ANK2: variants seen among roughly 807,000 people sequenced by gnomAD.
The protein encoded by ANK2 is ankyrin-2.
ANK2 carries 83 observed loss-of-function variants against 360.5 expected under a neutral mutation model. That is an observed-to-expected ratio of 0.23 (90% CI 0.19 to 0.28). ANK2 has a LOEUF of 0.28. ANK2 is among the 10% of genes least tolerant of loss of function. The pLI is 1.00. For missense variants in ANK2, 4,201 were observed against 4,795.7 expected, an observed-to-expected ratio of 0.88 and a Z score of 3.66; for synonymous variants, 1,740 against 1,759.5, an observed-to-expected ratio of 0.99 and a Z score of 0.28.
chr4:113,333,134 G>C lies in ANK2; in HGVS notation c.3305G>C (p.Gly1102Ala), dbSNP rs2153942818. Residue 1102 changes from glycine (G) to alanine (A), a missense_variant, in exon 29 of 46, where the codon GGG becomes GCG. This residue lies in a region of ANK2 where 1,268 missense variants were observed against 1,650.8 expected (regional missense o/e 0.77). Transcript: ENST00000357077. ...CTGGTGGTCCTGCGCAGTGAGAATGGGGACAGCTGGAAAGAGCATTTCTGT... is the reference window on the plus strand; with the variant it reads ...CTGGTGGTCCTGCGCAGTGAGAATGCGGACAGCTGGAAAGAGCATTTCTGT... ...RELVVLRSENGDSWKEHFCDY... is the reference protein window; with the variant it reads ...RELVVLRSENADSWKEHFCDY... The C allele has an allele frequency of 6.2e-7, 1 of 1,614,200 alleles. No individual in the cohort carries two copies. Among genetic ancestry groups the C allele is most frequent in the Non-Finnish European group, 8.5e-7 (1 of 1,180,024 alleles).
At chr4:113,126,747 C>A (rs1336190881) in intron 1 of ANK2, among the ~76,000 whole-genome samples, 1 of 151,988 alleles carries the variant, frequency 6.6e-6, no homozygotes, top group East Asian at 1.9e-4. Flanking sequence ...ATATAAGGGC[C>A]CTTGTATATA....
chr4:113,279,705 TTA>T (rs1037266006), intron 17 of ANK2, among the ~76,000 whole-genome samples: 1 of 148,070 alleles, frequency 6.8e-6, no homozygotes, highest in African/African-American at 2.5e-5. Context: ...TATAAATATA[TTA>T]TATATATCAT....
At chr4:113,339,194 C>A (rs747338081) in intron 31 of ANK2, 32 bp from the exon 32 acceptor site, 2 of 1,554,046 alleles carry the variant, frequency 1.3e-6, no homozygotes, top group Non-Finnish European at 1.8e-6. Context: ...TGGAGTTTTG[C>A]CTGATTTTTT....
chr4:112,820,520 C>T (rs1216963971), intron 1 of ANK2, among the ~76,000 whole-genome samples: 2 of 152,190 alleles, frequency 1.3e-5, no homozygotes, highest in Non-Finnish European at 2.9e-5. Flanking sequence ...ATTTAAAATG[C>T]TGTGTAATTA....
chr4:112,850,499 C>T (rs1298699112), intron 1 of ANK2, among the ~76,000 whole-genome samples: 2 of 19,076 alleles, frequency 1.0e-4, no homozygotes, highest in African/African-American at 4.1e-4. Context: ...ATTTCCTGTG[C>T]TAGTCTTTTT....
intron 14 of ANK2, among the ~76,000 whole-genome samples, chr4:113,265,527 G>C (rs29411): frequency 0.028 from 4,298 of 152,104 alleles, 99 homozygotes; most frequent in East Asian, 0.067. Context: ...TAGACATTCT[G>C]TATTTCCACA....
rs1563056547 is a variant in ANK2 at position 113,233,104 on chromosome 4, C to CTTTTT, written c.483+846_483+847insTTTTT. 2.7e-4 allele frequency among the ~76,000 whole-genome samples: 8 copies of CTTTTT among 29,296 alleles called. 4 individuals carry two copies. The highest frequency in any genetic ancestry group is 2.8e-4 in the African/African-American group (2 of 7,106). The allele number at this position is 29,296 out of a possible 152,430, so 19.2% of individuals were successfully genotyped here. A position where few individuals can be genotyped will look rare whatever the true frequency, so the allele number is the denominator to read the frequency against. On this transcript the variant is annotated intron_variant, in intron 5 of 45. Transcript: ENST00000357077. Reference sequence around the variant, plus strand: ...ACCAGAGTATATGGGCTTGGCTTTTCTGTTTTTTTTTTTTTTTTTTTTTTT... The same window carrying CTTTTT: ...ACCAGAGTATATGGGCTTGGCTTTTCTTTTTTGTTTTTTTTTTTTTTTTTTTTTTT...
In ANK2 at chr4:113,363,385, C is replaced by G. The variant is rs1272478291; in HGVS notation, c.10804C>G (p.Arg3602Gly). 1 of 1,613,232 alleles carries G rather than the reference C, an allele frequency of 6.2e-7. No individual in the cohort carries two copies. Among genetic ancestry groups the G allele is most frequent in the Non-Finnish European group, 8.5e-7 (1 of 1,179,592 alleles). ...CACTGAGGAGCAAATTCATCAAATT[C>G]GAATTGAAAATCCCAACTCTCTTCA... Reference protein sequence around the residue: ...DFTEEQIHQIRIENPNSLQDQ... With the variant: ...DFTEEQIHQIGIENPNSLQDQ... Residue 3602 changes from arginine (R) to glycine (G), a missense_variant, in exon 40 of 46, where the codon CGA becomes GGA. By Grantham distance (125) the Arg-to-Gly change is moderately radical. This residue lies in a region of ANK2 where 2,642 missense variants were observed against 2,714.5 expected (regional missense o/e 0.97). Transcript: ENST00000357077.
At position 113,354,388 on chromosome 4, in the gene ANK2, A is replaced by G. The variant is rs1031519659; in HGVS notation, c.5770A>G (p.Lys1924Glu). 3 of 1,613,958 alleles carry G rather than the reference A, an allele frequency of 1.9e-6. No individual in the cohort carries two copies. Among genetic ancestry groups the G allele is most frequent in the African/African-American group, 2.7e-5 (2 of 74,928 alleles). Residue 1924 changes from lysine to glutamate, a missense_variant, in exon 38 of 46, where the codon AAA (lysine) becomes GAA (glutamate). Coordinates refer to ENST00000357077, the MANE Select transcript of ANK2 (RefSeq NM_001148.6). ...PPVSPSGRTE[K>E]HPPVSPGRTE... Reference sequence around the variant, plus strand: ...TGTATCGCCCTCCGGGAGGACAGAAAAACACCCGCCAGTATCGCCTGGGAG... The same window carrying G: ...TGTATCGCCCTCCGGGAGGACAGAAGAACACCCGCCAGTATCGCCTGGGAG...
chr4:112,807,290 G>T, the ANK2 span, among the ~76,000 whole-genome samples: 1 of 152,184 alleles, frequency 6.6e-6, no homozygotes, highest in East Asian at 1.9e-4. Flanking sequence ...CAGTTGAATT[G>T]AACTGAATAA....
chr4:112,885,527 T>G (rs900982145), intron 1 of ANK2, among the ~76,000 whole-genome samples: 1 of 147,648 alleles, frequency 6.8e-6, no homozygotes. Context: ...CCGGGCATGG[T>G]GGCTCACGCC....
chr4:113,079,481 T>G (rs1275510426), intron 1 of ANK2, among the ~76,000 whole-genome samples: 2 of 152,240 alleles, frequency 1.3e-5, no homozygotes, highest in Non-Finnish European at 2.9e-5. Context: ...CACTTACTTG[T>G]TTTCATGTTT....
chr4:113,141,552 A>G lies in ANK2; in HGVS notation c.85-32864A>G, dbSNP rs576750933. The G allele has an allele frequency of 3.9e-5, 6 of 152,350 alleles. No individual in the cohort carries two copies. The South Asian group carries it at 1.2e-3, about 32-fold the overall frequency. The allele number at this position is 152,350 out of a possible 1,614,324, so 9.4% of individuals were successfully genotyped here. On this transcript the variant is annotated intron_variant, in intron 1 of 45. Coordinates refer to ENST00000357077, the MANE Select transcript of ANK2 (RefSeq NM_001148.6). ...TAGAAGCTCAGATTTGATAAAGGTT[A>G]CAAAAGTCCACACAGAGAAATTCAT...
chr4:113,208,349 A>T (rs1175995492), intron 4 of ANK2, among the ~76,000 whole-genome samples: 2 of 151,978 alleles, frequency 1.3e-5, no homozygotes. Flanking sequence ...TATAAGACTG[A>T]TTAAGGACCA....
chr4:113,195,440 A>G (rs150060724), intron 2 of ANK2, among the ~76,000 whole-genome samples: 1 of 152,262 alleles, frequency 6.6e-6, no homozygotes, highest in African/African-American at 2.4e-5. Context: ...CCATTTCAAA[A>G]TCCAAAAACA....
At chr4:113,046,835 G>A (rs1318624791), upstream of ANK2, among the ~76,000 whole-genome samples, 3 of 152,180 alleles carry the variant, frequency 2.0e-5, no homozygotes. Flanking sequence ...ATGTTTGAAT[G>A]TTGACAGAGG....
chr4:113,358,392 T>A lies in ANK2; in HGVS notation c.9774T>A (p.Phe3258Leu). 1 of 1,614,106 alleles carries A rather than the reference T, an allele frequency of 6.2e-7. No homozygotes were observed. Among genetic ancestry groups the A allele is most frequent in the African/African-American group, 1.3e-5 (1 of 75,038 alleles). The change falls in exon 38 of 46, where the codon TTT becomes TTA. Residue 3258 changes from phenylalanine (F) to leucine (L), a missense_variant. Coordinates refer to ENST00000357077, the MANE Select transcript of ANK2 (RefSeq NM_001148.6). ...SEPAVQVQLD[F>L]STLTRSVYSD... ...CAGCTGTACAAGTCCAGTTAGATTTTTCCACACTCACCAGGTCTGTTTATT... is the reference window on the plus strand; with the variant it reads ...CAGCTGTACAAGTCCAGTTAGATTTATCCACACTCACCAGGTCTGTTTATT...
intron 23 of ANK2, among the ~76,000 whole-genome samples, chr4:113,307,917 AG>A (rs1293319748): frequency 6.6e-6 from 1 of 152,216 alleles, no homozygotes; most frequent in Non-Finnish European, 1.5e-5. Context: ...AACAAGAAAA[AG>A]CCAAGTCATA....
At chr4:113,069,211 G>C (rs1005263609) in intron 1 of ANK2, among the ~76,000 whole-genome samples, 1 of 152,180 alleles carries the variant, frequency 6.6e-6, no homozygotes, top group African/African-American at 2.4e-5. Context: ...TCAGTGAGGA[G>C]AGGAGAACGC....
Sources: gnomAD v4.1 joint callset for allele counts (sites outside exome capture counted in the v4.1 genomes callset) on GRCh38, gnomAD v4.1.1 for gene constraint, gnomAD v4.1.1 regional missense constraint, MANE v1.5 for transcripts, NCBI Gene and HGNC (gene_info 2026-07-23, HGNC 2026-07-21) for gene names.